Variants in ALK observed in about 807,000 individuals in gnomAD.
The protein encoded by ALK is ALK tyrosine kinase receptor.
ALK carries 74 observed loss-of-function variants against 163.1 expected under a neutral mutation model. The observed-to-expected ratio is 0.45, with a 90% CI of 0.38 to 0.55. The LOEUF (loss-of-function observed/expected upper bound fraction) is 0.55. Among genes scored for constraint, ALK ranks in the 20% least tolerant of loss-of-function variants. The pLI is 0.00. For missense variants in ALK, 2,063 were observed against 2,105.3 expected, an observed-to-expected ratio of 0.98 and a Z score of 0.39; for synonymous variants, 960 against 843.2, an observed-to-expected ratio of 1.14 and a Z score of -2.40.
intron 1 of ALK, among the ~76,000 whole-genome samples, chr2:29,765,634 C>T (rs1347894703): frequency 2.6e-5 from 4 of 151,528 alleles, no homozygotes; most frequent in African/African-American, 4.9e-5. Context: ...AAAAAGAGTA[C>T]CTTTTTTTTT....
intron 4 of ALK, among the ~76,000 whole-genome samples, chr2:29,391,216 C>T (rs1049295333): frequency 2.6e-5 from 4 of 151,638 alleles, no homozygotes; most frequent in Non-Finnish European, 4.4e-5. Flanking sequence ...AGAAGATGTT[C>T]CAAACTGCAT....
intron 7 of ALK, 76 bp from the exon 8 acceptor site, chr2:29,318,480 G>C: frequency 9.8e-7 from 1 of 1,023,762 alleles, no homozygotes; most frequent in Non-Finnish European, 1.5e-6. Context: ...TTAATGGACT[G>C]TGCACAGTTC....
chr2:29,374,775 G>A (rs1668714990), intron 5 of ALK, among the ~76,000 whole-genome samples: 1 of 152,144 alleles, frequency 6.6e-6, no homozygotes, highest in South Asian at 2.1e-4. Context: ...CTTTTAAATG[G>A]TTCAGTCCAC....
In ALK at chr2:29,769,046, C is replaced by A. The variant is rs191194278; in HGVS notation, c.668-51349G>T. 3.9e-5 allele frequency among the ~76,000 whole-genome samples: 6 copies of A among 152,176 alleles called. No homozygotes were observed. The East Asian group carries it at 1.2e-3, about 29-fold the overall frequency. ...ATAGGGTTTTATCATGTTACCTAGG[C>A]TGGTCTTGAACTGCTGGGCTCAAGT... On this transcript the variant is annotated intron_variant, in intron 1 of 28. Coordinates refer to ENST00000389048, the MANE Select transcript of ALK (RefSeq NM_004304.5).
At chr2:29,587,624 A>T (rs1000373212) in intron 3 of ALK, among the ~76,000 whole-genome samples, 1 of 151,974 alleles carries the variant, frequency 6.6e-6, no homozygotes, top group Admixed American at 6.6e-5. Context: ...TTTATAGAAA[A>T]TGCATAACTG....
rs1387315352 is a variant in ALK, at chr2:29,556,490, GA to G, written c.953-24375del. On this transcript the variant is annotated intron_variant, in intron 3 of 28. Coordinates refer to ENST00000389048, the MANE Select transcript of ALK (RefSeq NM_004304.5). ...GTCAAGACAACTTTCAATGACGAGG[GA>G]TACAAGAAATGTAGCAAGAATCAAT... Among the ~76,000 whole-genome samples the G allele has an allele frequency of 2.0e-5, 3 of 152,272 alleles. No homozygotes were observed. In the East Asian group the frequency reaches 5.8e-4, roughly 29 times the overall value.
chr2:29,417,404 G>A (rs765637972), intron 4 of ALK, among the ~76,000 whole-genome samples: 12 of 152,046 alleles, frequency 7.9e-5, no homozygotes, highest in South Asian at 2.1e-4. Flanking sequence ...GAGCTATCCT[G>A]AGAGCCAAAC....
intron 8 of ALK, among the ~76,000 whole-genome samples, chr2:29,308,538 TTGTGAGG>T (rs1666596608): frequency 6.6e-6 from 1 of 152,160 alleles, no homozygotes; most frequent in Non-Finnish European, 1.5e-5. Flanking sequence ...ACTCTAGGCT[TTGTGAGG>T]GAGATCAAGG....
chr2:29,753,122 A>T (rs1269771036), intron 1 of ALK, among the ~76,000 whole-genome samples: 1 of 152,224 alleles, frequency 6.6e-6, no homozygotes, highest in Non-Finnish European at 1.5e-5. Context: ...AGAAGAAAAT[A>T]GGTGGGGAAC....
At chr2:29,360,429 T>C (rs1346434619) in intron 5 of ALK, among the ~76,000 whole-genome samples, 1 of 152,196 alleles carries the variant, frequency 6.6e-6, no homozygotes, top group South Asian at 2.1e-4. Flanking sequence ...TTCTGACCTC[T>C]GGAGACAGGA....
chr2:29,870,920 T>C (rs1666561133), intron 1 of ALK, among the ~76,000 whole-genome samples: 1 of 152,220 alleles, frequency 6.6e-6, no homozygotes, highest in Non-Finnish European at 1.5e-5. Context: ...TAAAGAGCAT[T>C]GCCCACAGGA....
At chr2:29,851,788 C>T (rs2148401229) in intron 1 of ALK, among the ~76,000 whole-genome samples, 1 of 152,336 alleles carries the variant, frequency 6.6e-6, no homozygotes, top group East Asian at 1.9e-4. Context: ...ATTTCTACGA[C>T]TCTGTTGTTA....
chr2:29,709,619 G>A (rs1679014127), intron 2 of ALK, among the ~76,000 whole-genome samples: 1 of 152,178 alleles, frequency 6.6e-6, no homozygotes, highest in Non-Finnish European at 1.5e-5. Context: ...GAGGCACCAA[G>A]TAGCGGGGAG....
intron 5 of ALK, among the ~76,000 whole-genome samples, chr2:29,382,140 C>G (rs1668913716): frequency 6.6e-6 from 1 of 152,172 alleles, no homozygotes; most frequent in Non-Finnish European, 1.5e-5. Flanking sequence ...GGCCAAGCCA[C>G]TTTCTCTAGG....
intron 1 of ALK, among the ~76,000 whole-genome samples, chr2:29,902,417 C>T (rs1667440377): frequency 6.6e-6 from 1 of 152,178 alleles, no homozygotes; most frequent in Non-Finnish European, 1.5e-5. Context: ...CCCTCTCCTC[C>T]ACCCCAGATT....
At chr2:29,656,580 T>A (rs1396253134) in intron 3 of ALK, among the ~76,000 whole-genome samples, 3 of 152,210 alleles carry the variant, frequency 2.0e-5, no homozygotes, top group African/African-American at 7.2e-5. Context: ...ATTAGTTTAT[T>A]TGATATAACA....
intron 4 of ALK, among the ~76,000 whole-genome samples, chr2:29,419,216 G>A (rs376868015): frequency 1.6e-4 from 24 of 151,148 alleles, no homozygotes; most frequent in Middle Eastern, 3.4e-3. Flanking sequence ...CACCATGCCC[G>A]GCTAATTTTT....
At chr2:29,697,625 T>C (rs1678612165) in intron 2 of ALK, among the ~76,000 whole-genome samples, 1 of 151,976 alleles carries the variant, frequency 6.6e-6, no homozygotes, top group African/African-American at 2.4e-5. Flanking sequence ...CCCGAAGCCG[T>C]GGGAATAAGA....
chr2:29,842,179 A>G (rs1272754908), intron 1 of ALK, among the ~76,000 whole-genome samples: 3 of 152,158 alleles, frequency 2.0e-5, no homozygotes, highest in African/African-American at 7.2e-5. Flanking sequence ...TGATAGGTTA[A>G]ATATGGCAGA....
Sources: gnomAD v4.1 joint callset for allele counts (sites outside exome capture counted in the v4.1 genomes callset) on GRCh38, gnomAD v4.1.1 for gene constraint, MANE v1.5 for transcripts, NCBI Gene and HGNC (gene_info 2026-07-23, HGNC 2026-07-21) for gene names.